The following ANKRD30BL variants were observed in gnomAD, a reference collection of about 807,000 sequenced individuals.
ANKRD30BL encodes the protein ankyrin repeat domain 30B like.
A neutral mutation model predicts 18.4 loss-of-function variants in ANKRD30BL; 20 were observed. The ratio of observed to expected loss-of-function variants is 1.09; its 90% CI spans 0.77 to 1.58. The LOEUF is 1.58. Ranked by LOEUF, ANKRD30BL falls within the 40% of genes most tolerant of loss-of-function variation. ANKRD30BL has a pLI of 0.00. For missense variants in ANKRD30BL, 224 were observed against 268.6 expected, an observed-to-expected ratio of 0.83 and a Z score of 1.16; for synonymous variants, 72 against 100.9, an observed-to-expected ratio of 0.71 and a Z score of 1.72.
At position 132,161,615 on chromosome 2, in the gene ANKRD30BL, A is replaced by G. The variant is rs569306619; in HGVS notation, c.91T>C (p.Ser31Pro). The G allele has an allele frequency of 6.9e-7, 1 of 1,453,436 alleles. No individual in the cohort carries two copies. The highest frequency in any genetic ancestry group is 9.4e-7 in the Non-Finnish European group (1 of 1,060,452). 90.0% of individuals were successfully genotyped at this position (1,453,436 alleles called of 1,614,324 possible). The change falls in exon 1 of 6, where the codon TCT (serine) becomes CCT (proline). Residue 31 changes from serine to proline, a missense_variant. By Grantham distance (74) the Ser-to-Pro change is moderately conservative (BLOSUM62 -1). Coordinates refer to ENST00000409867, the MANE Select transcript of ANKRD30BL (RefSeq NM_001358416.1). ...FSQLVYTNNDSYVIHHGDLRK... is the reference protein window; with the variant it reads ...FSQLVYTNNDPYVIHHGDLRK... ...AGATCCCCATGGTGAATCACGTAAG[A>G]GTCGTTGTTGGTGTAGACCAGCTGA...
intron 1 of ANKRD30BL, among the ~76,000 whole-genome samples, chr2:132,182,377 G>A (rs1221875106): frequency 1.3e-5 from 2 of 151,644 alleles, no homozygotes; most frequent in African/African-American, 2.4e-5. Context: ...AGCTAATCAG[G>A]AGGCTGAGGC....
At chr2:132,257,693 C>T (rs1680905090) in exon 1 of ANKRD30BL, 1 of 154,936 alleles carries the variant, frequency 6.5e-6, no homozygotes, top group South Asian at 2.0e-4. Context: ...ACACTCCCCA[C>T]ACGCCAGTCG....
At chr2:132,219,250 T>G (rs1178219474) in intron 1 of ANKRD30BL, among the ~76,000 whole-genome samples, 12 of 152,028 alleles carry the variant, frequency 7.9e-5, no homozygotes, top group Non-Finnish European at 4.4e-5. Context: ...GAGACACTCT[T>G]TTCACAGGAT....
At chr2:132,182,659 T>C (rs1688490400) in intron 1 of ANKRD30BL, among the ~76,000 whole-genome samples, 1 of 152,196 alleles carries the variant, frequency 6.6e-6, no homozygotes, top group Non-Finnish European at 1.5e-5. Context: ...TAACTTCTTA[T>C]CTTGATCTAT....
chr2:132,247,777 G>A (rs931951320), intron 1 of ANKRD30BL, among the ~76,000 whole-genome samples: 5 of 151,804 alleles, frequency 3.3e-5, no homozygotes, highest in Admixed American at 6.6e-5. Context: ...TTCACCATAG[G>A]CCACAAACCA....
intron 1 of ANKRD30BL, among the ~76,000 whole-genome samples, chr2:132,249,036 T>C (rs1680578756): frequency 6.6e-6 from 1 of 152,174 alleles, no homozygotes; most frequent in Admixed American, 6.6e-5. Context: ...TCCCATCTGC[T>C]CAATGAAAAG....
At chr2:132,217,742 C>G (rs549359132) in intron 1 of ANKRD30BL, among the ~76,000 whole-genome samples, 1 of 152,300 alleles carries the variant, frequency 6.6e-6, no homozygotes, top group African/African-American at 2.4e-5. Flanking sequence ...GATATTTCAA[C>G]CAGTTTGAGG....
At chr2:132,225,501 A>G (rs1302425466) in intron 1 of ANKRD30BL, among the ~76,000 whole-genome samples, 5 of 152,112 alleles carry the variant, frequency 3.3e-5, no homozygotes, top group African/African-American at 1.2e-4. Flanking sequence ...TCTTCACATA[A>G]AAACTAGACA....
chr2:132,206,595 T>C (rs1459101733), intron 1 of ANKRD30BL, among the ~76,000 whole-genome samples: 2 of 152,190 alleles, frequency 1.3e-5, no homozygotes, highest in Non-Finnish European at 2.9e-5. Flanking sequence ...TAGTGAGTTC[T>C]CTTTGTGTAT....
chr2:132,231,774 C>A (rs993709879), intron 1 of ANKRD30BL, among the ~76,000 whole-genome samples: 9 of 152,204 alleles, frequency 5.9e-5, no homozygotes, highest in African/African-American at 2.2e-4. Flanking sequence ...GGGCACCCGC[C>A]ATTACCCAGG....
intron 1 of ANKRD30BL, among the ~76,000 whole-genome samples, chr2:132,169,017 C>A (rs1168104148): frequency 6.6e-6 from 1 of 152,116 alleles, no homozygotes; most frequent in Middle Eastern, 3.4e-3. Flanking sequence ...ATTATTGCCA[C>A]CATTTTCTTC....
At chr2:132,191,743 T>G (rs545715241) in intron 1 of ANKRD30BL, among the ~76,000 whole-genome samples, 1,645 of 145,338 alleles carry the variant, frequency 0.011, 10 homozygotes, top group Non-Finnish European at 0.018. Flanking sequence ...TTTGATTTTT[T>G]TTTTTTTTTT....
At chr2:132,169,067 C>T (rs1488594748) in intron 1 of ANKRD30BL, among the ~76,000 whole-genome samples, 2 of 152,050 alleles carry the variant, frequency 1.3e-5, no homozygotes, top group Non-Finnish European at 2.9e-5. Context: ...GTGACCAAAT[C>T]TCCTTTGATA....
At chr2:132,223,474 G>A (rs1411051147) in intron 1 of ANKRD30BL, among the ~76,000 whole-genome samples, 1 of 149,634 alleles carries the variant, frequency 6.7e-6, no homozygotes, top group African/African-American at 2.5e-5. Flanking sequence ...TAGACAGAAG[G>A]ATTCTCAGAA....
chr2:132,208,137 TG>T (rs2104754069), intron 1 of ANKRD30BL, among the ~76,000 whole-genome samples: 1 of 152,270 alleles, frequency 6.6e-6, no homozygotes, highest in East Asian at 1.9e-4. Flanking sequence ...TAAACAGAAT[TG>T]TAGATCCACT....
At chr2:132,203,562 C>T (rs1276503727) in intron 1 of ANKRD30BL, among the ~76,000 whole-genome samples, 3 of 151,992 alleles carry the variant, frequency 2.0e-5, no homozygotes, top group Non-Finnish European at 4.4e-5. Flanking sequence ...TTTCTGAATG[C>T]TATGTGATTG....
chr2:132,221,953 C>G (rs1410781000), intron 1 of ANKRD30BL, among the ~76,000 whole-genome samples: 1 of 132,190 alleles, frequency 7.6e-6, no homozygotes, highest in Non-Finnish European at 1.6e-5. Context: ...GCCGCCCCGT[C>G]CGGGAGGTGA....
upstream of ANKRD30BL, among the ~76,000 whole-genome samples, chr2:132,166,311 G>A (rs1688186178): frequency 6.6e-6 from 1 of 151,580 alleles, no homozygotes; most frequent in African/African-American, 2.4e-5. Context: ...CTCACAGAAT[G>A]AATTAGGATG....
chr2:132,209,641 G>A (rs1438136230), intron 1 of ANKRD30BL, among the ~76,000 whole-genome samples: 2 of 151,962 alleles, frequency 1.3e-5, no homozygotes, highest in Admixed American at 6.6e-5. Context: ...TCTGCATGTG[G>A]ATATTTGGAT....
Sources: allele counts gnomAD v4.1 joint callset (sites outside exome capture counted in the v4.1 genomes callset), GRCh38; gene constraint gnomAD v4.1.1; transcripts MANE v1.5; gene names NCBI Gene and HGNC (gene_info 2026-07-23, HGNC 2026-07-21).